The following ENOX1 variants were observed in gnomAD, a reference collection of about 807,000 sequenced individuals.
ENOX1 encodes the protein ecto-NOX disulfide-thiol exchanger 1.
Under a neutral mutation model 82.5 loss-of-function variants are expected in ENOX1, and 42 were observed. The observed-to-expected ratio is 0.51, with a 90% CI of 0.40 to 0.66. The LOEUF is 0.66. Among genes scored for constraint, ENOX1 ranks in the 30% least tolerant of loss-of-function variants. The probability of loss-of-function intolerance (pLI) is 0.00; values close to 1 mark genes in which losing one functional copy is unlikely to be tolerated. For missense variants in ENOX1, 608 were observed against 811.6 expected (o/e 0.75, Z 3.05); for synonymous variants, 271 against 282.2 (o/e 0.96, Z 0.40).
At chr13:43,724,208 T>C (rs567030494) in intron 1 of ENOX1, among the ~76,000 whole-genome samples, 11 of 152,338 alleles carry the variant, frequency 7.2e-5, no homozygotes, top group African/African-American at 2.6e-4. Flanking sequence ...ACCAGTCCTT[T>C]TCAGTTAAAT....
chr13:43,723,253 T>C (rs1171071134), intron 1 of ENOX1, among the ~76,000 whole-genome samples: 11 of 152,150 alleles, frequency 7.2e-5, no homozygotes, highest in Non-Finnish European at 1.5e-4. Context: ...AAAGCCATAT[T>C]TGGGCACTTA....
chr13:43,644,754 G>A (rs2083815232), intron 2 of ENOX1, among the ~76,000 whole-genome samples: 1 of 152,144 alleles, frequency 6.6e-6, no homozygotes, highest in South Asian at 2.1e-4. Context: ...GCAGAATTAG[G>A]AATTGGCAGA....
chr13:43,263,121 C>G (rs1017330955), intron 14 of ENOX1, among the ~76,000 whole-genome samples: 1 of 152,166 alleles, frequency 6.6e-6, no homozygotes, highest in African/African-American at 2.4e-5. Flanking sequence ...TTCACATACC[C>G]TAGTGGAGGT....
At chr13:43,475,582 G>A (rs193237901) in intron 3 of ENOX1, among the ~76,000 whole-genome samples, 54 of 152,128 alleles carry the variant, frequency 3.5e-4, no homozygotes, top group East Asian at 1.9e-3. Context: ...TTTCATAAAC[G>A]AAATCATATT....
intron 1 of ENOX1, among the ~76,000 whole-genome samples, chr13:43,776,779 A>G (rs1341024356): frequency 1.3e-5 from 2 of 152,052 alleles, no homozygotes; most frequent in East Asian, 1.9e-4. Context: ...AAGCTGTGCT[A>G]CAGACGTGAA....
At chr13:43,548,207 G>A (rs1331271843) in intron 2 of ENOX1, among the ~76,000 whole-genome samples, 3 of 152,160 alleles carry the variant, frequency 2.0e-5, no homozygotes, top group Non-Finnish European at 4.4e-5. Flanking sequence ...TTTGGAAACT[G>A]CCACAGTTTC....
intron 13 of ENOX1, among the ~76,000 whole-genome samples, 154 bp from the exon 14 acceptor site, chr13:43,265,608 C>T (rs2044328407): frequency 6.6e-6 from 1 of 152,126 alleles, no homozygotes; most frequent in South Asian, 2.1e-4. Context: ...TCTAATGAGC[C>T]TTATTGGAGC....
chr13:43,591,352 G>A (rs2081237959), intron 2 of ENOX1, among the ~76,000 whole-genome samples: 1 of 152,160 alleles, frequency 6.6e-6, no homozygotes, highest in South Asian at 2.1e-4. Flanking sequence ...ATAAATCTCA[G>A]GGATAAAATG....
chr13:43,618,460 T>C (rs1566647540), intron 2 of ENOX1, among the ~76,000 whole-genome samples: 1 of 152,234 alleles, frequency 6.6e-6, no homozygotes, highest in East Asian at 1.9e-4. Context: ...TACATGTGGC[T>C]AGCCAATTAT....
intron 3 of ENOX1, among the ~76,000 whole-genome samples, chr13:43,441,809 C>G (rs1171710949): frequency 1.1e-5 from 1 of 93,450 alleles, no homozygotes; most frequent in Non-Finnish European, 3.1e-5. Flanking sequence ...TTTTCTCCTT[C>G]GATTTTTTTT....
At chr13:43,571,568 T>TAATCCC (rs1162993919) in intron 2 of ENOX1, among the ~76,000 whole-genome samples, 1 of 151,714 alleles carries the variant, frequency 6.6e-6, no homozygotes, top group African/African-American at 2.4e-5. Context: ...TGCATGCCTG[T>TAATCCC]AATCCCAGCT....
At position 43,253,829 on chromosome 13, in the gene ENOX1, C is replaced by T. The variant is rs554878428; in HGVS notation, c.1611+11569G>A. 2.0e-3 allele frequency among the ~76,000 whole-genome samples: 308 copies of T among 152,108 alleles called. 1 individual carries two copies. The highest frequency in any genetic ancestry group is 3.7e-3 in the Non-Finnish European group (250 of 67,998). On this transcript the variant is annotated intron_variant, in intron 14 of 16. Transcript: ENST00000690772. ...TGCTTCTGTCCACCTTTTGGGCTCC[C>T]GACTCTTTCCATAGATGCTACTGAA...
intron 3 of ENOX1, among the ~76,000 whole-genome samples, chr13:43,443,687 CG>C (rs1306878253): frequency 6.6e-6 from 1 of 151,880 alleles, no homozygotes; most frequent in Non-Finnish European, 1.5e-5. Flanking sequence ...TGGCAGCACA[CG>C]GAGTAAAGAG....
intron 2 of ENOX1, among the ~76,000 whole-genome samples, chr13:43,607,387 C>T (rs138819651): frequency 1.3e-3 from 201 of 152,034 alleles, no homozygotes; most frequent in African/African-American, 4.6e-3. Flanking sequence ...ATCAATATAC[C>T]CTAAGTAATT....
Position 43,462,489 on chromosome 13 carries a change from C to A in ENOX1, c.-75+21520G>T, listed in dbSNP as rs147616438. 3.9e-5 allele frequency among the ~76,000 whole-genome samples: 6 copies of A among 152,272 alleles called. No homozygotes were observed. In the East Asian group the frequency reaches 5.8e-4, roughly 15 times the overall value. ...TTATATTACAATTCAAATAAGCTTA[C>A]AGCTGGCAAAAAAATCTCTTCTGTA... On this transcript the variant is annotated intron_variant, in intron 3 of 16. Transcript: ENST00000690772.
At chr13:43,674,898 C>T (rs2085435513) in intron 1 of ENOX1, among the ~76,000 whole-genome samples, 1 of 152,062 alleles carries the variant, frequency 6.6e-6, no homozygotes, top group African/African-American at 2.4e-5. Flanking sequence ...CCTAAAACTG[C>T]CCCTCAAAAT....
chr13:43,298,593 T>G, intron 11 of ENOX1, 63 bp from the exon 12 acceptor site: 1 of 1,464,964 alleles, frequency 6.8e-7, no homozygotes, highest in South Asian at 1.4e-5. Flanking sequence ...GGAGGCCTTC[T>G]GTGGGAAAGG....
chr13:43,436,618 GC>G (rs750165847), intron 3 of ENOX1, among the ~76,000 whole-genome samples: 6 of 152,066 alleles, frequency 3.9e-5, no homozygotes, highest in Non-Finnish European at 8.8e-5. Flanking sequence ...TTGGCCAGCT[GC>G]AAAAAAAGTC....
chr13:43,320,799 G>A (rs1462393255), intron 11 of ENOX1, among the ~76,000 whole-genome samples: 4 of 152,176 alleles, frequency 2.6e-5, no homozygotes, highest in Non-Finnish European at 4.4e-5. Flanking sequence ...CACAAAGGAT[G>A]AAAGCGCTTT....
Sources: gnomAD v4.1 joint callset for allele counts (sites outside exome capture counted in the v4.1 genomes callset) on GRCh38, gnomAD v4.1.1 for gene constraint, MANE v1.5 for transcripts, NCBI Gene and HGNC (gene_info 2026-07-23, HGNC 2026-07-21) for gene names.